The following PDE12 variants were observed in gnomAD, a reference collection of about 807,000 sequenced individuals.
PDE12 encodes 2',5'-phosphodiesterase 12.
A neutral mutation model predicts 45.4 loss-of-function variants in PDE12; 26 were observed. The ratio of observed to expected loss-of-function variants is 0.57; its 90% CI spans 0.42 to 0.79. The LOEUF is 0.79. PDE12 is among the 30% of genes least tolerant of loss of function. The pLI is 0.00. For synonymous variants in PDE12, 283 were observed against 323.9 expected, an observed-to-expected ratio of 0.87 and a Z score of 1.36; for missense variants, 668 against 790.0, an observed-to-expected ratio of 0.85 and a Z score of 1.85.
In PDE12 at chr3:57,559,796, A is replaced by T. The variant is rs2069707831; in HGVS notation, c.1622A>T (p.Lys541Ile). The change falls in exon 3 of 3, where the codon AAA becomes ATA. Residue 541 changes from lysine (K) to isoleucine (I), a missense_variant. Around this residue, in one of 3 missense-constraint regions of PDE12, gnomAD observed 79 missense variants for 97.9 expected, o/e 0.81. Coordinates refer to ENST00000311180, the MANE Select transcript of PDE12 (RefSeq NM_177966.7). ...NMSLTHFFKL[K>I]SACGEPAYTN... Reference sequence around the variant, plus strand: ...TCTCTTACACATTTCTTCAAGCTGAAAAGTGCTTGTGGTGAACCTGCTTAC... The same window carrying T: ...TCTCTTACACATTTCTTCAAGCTGATAAGTGCTTGTGGTGAACCTGCTTAC... 1 of 1,614,212 alleles carries T rather than the reference A, an allele frequency of 6.2e-7. No individual in the cohort carries two copies. Among genetic ancestry groups the T allele is most frequent in the East Asian group, 2.2e-5 (1 of 44,878 alleles).
chr3:57,589,882 G>A, the PDE12 span, among the ~76,000 whole-genome samples: 1 of 150,818 alleles, frequency 6.6e-6, no homozygotes, highest in East Asian at 2.0e-4. Context: ...CATGAGGCCA[G>A]GAGTTTGAAA....
At chr3:57,607,139 C>G in the PDE12 span, among the ~76,000 whole-genome samples, 29 of 152,274 alleles carry the variant, frequency 1.9e-4, no homozygotes, top group South Asian at 6.0e-3. Flanking sequence ...CAAACAGGGT[C>G]TGGAGTGGAC....
the PDE12 span, among the ~76,000 whole-genome samples, chr3:57,618,610 T>TTTTTTG: frequency 4.0e-4 from 46 of 113,678 alleles, no homozygotes; most frequent in Non-Finnish European, 7.7e-4. Flanking sequence ...CTTTTGTGTT[T>TTTTTTG]TTTTTTTTTT....
At chr3:57,623,977 T>C in the PDE12 span, among the ~76,000 whole-genome samples, 1 of 152,140 alleles carries the variant, frequency 6.6e-6, no homozygotes, top group Non-Finnish European at 1.5e-5. Flanking sequence ...CAAAATCTTT[T>C]AAAATTTTTT....
chr3:57,597,272 A>G, the PDE12 span: 2 of 849,190 alleles, frequency 2.4e-6, no homozygotes, highest in South Asian at 3.2e-5. Context: ...GGGAGGCAGA[A>G]ACGTCTCAGT....
chr3:57,576,504 C>CTTTTT, the PDE12 span, among the ~76,000 whole-genome samples: 26 of 101,592 alleles, frequency 2.6e-4, no homozygotes, highest in African/African-American at 5.6e-4. Context: ...CTCAACCAAG[C>CTTTTT]TTTTTTTTTT....
chr3:57,598,122 T>C, the PDE12 span: 1 of 152,172 alleles, frequency 6.6e-6, no homozygotes, highest in South Asian at 2.1e-4. Flanking sequence ...CTCCTTATGT[T>C]GAGGAAGCGG....
At chr3:57,624,089 A>C in the PDE12 span, among the ~76,000 whole-genome samples, 1 of 152,068 alleles carries the variant, frequency 6.6e-6, no homozygotes, top group Non-Finnish European at 1.5e-5. Flanking sequence ...CTGGGCATGC[A>C]CTATCCTCCC....
Position 57,561,338 on chromosome 3 carries a change from G to A in PDE12, c.*1334G>A. ...TAAACAGGAAAAAGGTTGAGTAGTG[G>A]GACTTTTAAGCATCTCTGAAATAAA... On this transcript the variant is annotated 3_prime_UTR_variant, in exon 3 of 3. Coordinates refer to ENST00000311180, the MANE Select transcript of PDE12 (RefSeq NM_177966.7). 1 of 984,746 alleles carries A rather than the reference G, an allele frequency of 1.0e-6. No individual in the cohort carries two copies. Among genetic ancestry groups the A allele is most frequent in the Non-Finnish European group, 1.2e-6 (1 of 829,168 alleles). The allele number at this position is 984,746 out of a possible 1,614,324, so 61.0% of individuals were successfully genotyped here.
Position 57,557,134 on chromosome 3 carries a change from C to A in PDE12, c.755C>A (p.Pro252Gln). Residue 252 changes from proline (P) to glutamine (Q), a missense_variant, in exon 1 of 3, where the codon CCA becomes CAA. By Grantham distance (76) the Pro-to-Gln change is moderately conservative. Transcript: ENST00000311180. ...IGLRLKLHCT[P>Q]GDGQRFGHSR... ...CTAAGGCTCAAGCTTCACTGCACCCCAGGCGATGGGCAGCGCTTTGGGCAC... is the reference window on the plus strand; with the variant it reads ...CTAAGGCTCAAGCTTCACTGCACCCAAGGCGATGGGCAGCGCTTTGGGCAC... 1 of 1,614,108 alleles carries A rather than the reference C, an allele frequency of 6.2e-7. No homozygotes were observed. The highest frequency in any genetic ancestry group is 8.5e-7 in the Non-Finnish European group (1 of 1,180,018).
chr3:57,615,810 A>G, the PDE12 span, among the ~76,000 whole-genome samples: 2 of 152,150 alleles, frequency 1.3e-5, no homozygotes, highest in Non-Finnish European at 2.9e-5. Flanking sequence ...TCTCAAGAAA[A>G]AAAAAATACA....
chr3:57,586,494 C>G, the PDE12 span, among the ~76,000 whole-genome samples: 1 of 152,172 alleles, frequency 6.6e-6, no homozygotes, highest in Non-Finnish European at 1.5e-5. Flanking sequence ...TGTACCCTAC[C>G]AAGAATAACT....
At chr3:57,598,202 C>A in the PDE12 span, 3 of 152,092 alleles carry the variant, frequency 2.0e-5, no homozygotes, top group African/African-American at 7.2e-5. Flanking sequence ...CGGCCTGCTA[C>A]ACCTTTTAAA....
chr3:57,654,721 AGACCTT>A, the PDE12 span: 2 of 984,770 alleles, frequency 2.0e-6, no homozygotes, highest in Non-Finnish European at 2.4e-6. Context: ...TCCATGGAAT[AGACCTT>A]GACCTAGTGA....
In PDE12 at chr3:57,564,077, C is replaced by A. The variant is rs1288328269; in HGVS notation, c.*4073C>A. ...TTCTTAGCACTAACTTCAAAATAAC[C>A]ATACAGTACTGCTTGTAATTTTTGT... is the stretch of plus-strand genomic sequence containing the variant. On this transcript the variant is annotated 3_prime_UTR_variant, in exon 3 of 3. Coordinates refer to ENST00000311180, the MANE Select transcript of PDE12 (RefSeq NM_177966.7). 4 of 152,028 alleles carry A rather than the reference C, an allele frequency of 2.6e-5. No homozygotes were observed. The highest frequency in any genetic ancestry group is 4.4e-5 in the Non-Finnish European group (3 of 68,004). The allele number at this position is 152,028 out of a possible 1,614,324, so 9.4% of individuals were successfully genotyped here. A position where few individuals can be genotyped will look rare whatever the true frequency, so the allele number is the denominator to read the frequency against.
At chr3:57,603,597 A>G in the PDE12 span, among the ~76,000 whole-genome samples, 1 of 150,184 alleles carries the variant, frequency 6.7e-6, no homozygotes, top group Non-Finnish European at 1.5e-5. Flanking sequence ...GATTATAAGC[A>G]TGAGCCACCA....
At chr3:57,624,872 G>T in the PDE12 span, among the ~76,000 whole-genome samples, 1 of 152,080 alleles carries the variant, frequency 6.6e-6, no homozygotes, top group Admixed American at 6.6e-5. Flanking sequence ...AAATGAAGGA[G>T]AATCTAGCAA....
chr3:57,556,498 T>G lies in PDE12; in HGVS notation c.119T>G (p.Val40Gly). The part of the protein sequence containing the change: ...TAAGAMERAV[V>G]RCVPSEPKLS... ...GCGGGAGCGATGGAGCGCGCTGTAGTGCGCTGCGTACCTTCGGAACCCAAG... is the reference window on the plus strand; with the variant it reads ...GCGGGAGCGATGGAGCGCGCTGTAGGGCGCTGCGTACCTTCGGAACCCAAG... The change falls in exon 1 of 3, where the codon GTG becomes GGG. Residue 40 changes from valine to glycine, a missense_variant. Around this residue, in one of 3 missense-constraint regions of PDE12, gnomAD observed 580 missense variants for 662.9 expected, o/e 0.87. Coordinates refer to ENST00000311180, the MANE Select transcript of PDE12 (RefSeq NM_177966.7). The surrounding 1 kb of genome is among the most constrained non-coding windows in gnomAD (Gnocchi z 5.0). 6.2e-7 allele frequency: 1 copy of G among 1,613,300 alleles called. No homozygotes were observed. Among genetic ancestry groups the G allele is most frequent in the Non-Finnish European group, 8.5e-7 (1 of 1,179,934 alleles).
At position 57,559,279 on chromosome 3, in the gene PDE12, C is replaced by G. The variant is rs773312334; in HGVS notation, c.1309-31C>G. The G allele has an allele frequency of 2.2e-5, 34 of 1,519,332 alleles. No individual in the cohort carries two copies. The Admixed American group carries it at 6.4e-4, about 29-fold the overall frequency. 94.1% of individuals were successfully genotyped at this position (1,519,332 alleles called of 1,614,324 possible). On this transcript the variant is annotated intron_variant, in intron 1 of 2. Transcript: ENST00000311180. ...CATTCAGGAGATTTGCAAATGCCAA[C>G]TGAACTCTTGGCACTTTCCGTTTAT...
Sources: allele counts gnomAD v4.1 joint callset (sites outside exome capture counted in the v4.1 genomes callset), GRCh38; gene constraint gnomAD v4.1.1; regional missense constraint gnomAD v4.1.1; non-coding constraint Gnocchi (gnomAD v3.1); transcripts MANE v1.5; gene names NCBI Gene and HGNC (gene_info 2026-07-23, HGNC 2026-07-21).